The following RGPD6 variants were observed in gnomAD, a reference collection of about 807,000 sequenced individuals.
RGPD6 encodes RANBP2 like and GRIP domain containing 6.
the RGPD6 span, among the ~76,000 whole-genome samples, chr2:110,596,943 TATATATATA>T: frequency 8.4e-4 from 98 of 116,452 alleles, 1 homozygote; most frequent in African/African-American, 2.0e-3. Flanking sequence ...ATATATATTT[TATATATATA>T]ATATATATAA....
At chr2:110,593,425 T>C in the RGPD6 span, among the ~76,000 whole-genome samples, 1 of 145,706 alleles carries the variant, frequency 6.9e-6, no homozygotes, top group African/African-American at 2.7e-5. Context: ...GAGCTTCAAA[T>C]GGACCACAAG....
chr2:110,596,907 C>T, the RGPD6 span, among the ~76,000 whole-genome samples: 1 of 136,552 alleles, frequency 7.3e-6, no homozygotes, highest in Non-Finnish European at 1.5e-5. Flanking sequence ...TGCTGGAGAC[C>T]ATTTACATAC....
chr2:110,606,118 G>C, the RGPD6 span, among the ~76,000 whole-genome samples: 1 of 151,808 alleles, frequency 6.6e-6, no homozygotes, highest in Non-Finnish European at 1.5e-5. Context: ...AAAGAAAGAG[G>C]ATAGGAAATA....
the RGPD6 span, among the ~76,000 whole-genome samples, chr2:110,596,831 T>C: frequency 7.4e-6 from 1 of 134,408 alleles, no homozygotes; most frequent in Non-Finnish European, 1.5e-5. Flanking sequence ...CAATATACTA[T>C]TCATTCTGAG....
At chr2:110,604,470 G>C in the RGPD6 span, among the ~76,000 whole-genome samples, 2 of 139,160 alleles carry the variant, frequency 1.4e-5, no homozygotes, top group African/African-American at 5.5e-5. Flanking sequence ...AGCTGCCCAG[G>C]GCCAAACAGA....
the RGPD6 span, among the ~76,000 whole-genome samples, chr2:110,602,219 CG>C: frequency 6.7e-6 from 1 of 149,782 alleles, no homozygotes; most frequent in African/African-American, 2.5e-5. Context: ...GTTGGCCGAG[CG>C]GGGATGCAAG....
At chr2:110,610,771 G>A in the RGPD6 span, 10 of 1,128,134 alleles carry the variant, frequency 8.9e-6, no homozygotes, top group African/African-American at 1.6e-4. Context: ...TGTCCATGGT[G>A]GGAGGTGTCA....
the RGPD6 span, among the ~76,000 whole-genome samples, chr2:110,596,969 T>TATAATATATATATAA: frequency 3.7e-5 from 1 of 26,708 alleles, no homozygotes; most frequent in African/African-American, 1.0e-4. Flanking sequence ...ATAATATATA[T>TATAATATATATATAA]TATGTATATA....
chr2:110,606,789 C>T, the RGPD6 span, among the ~76,000 whole-genome samples: 4 of 151,388 alleles, frequency 2.6e-5, no homozygotes, highest in African/African-American at 9.8e-5. Flanking sequence ...TCAAAGGCCA[C>T]CTATTTCATG....
At chr2:110,600,461 G>A in the RGPD6 span, among the ~76,000 whole-genome samples, 1 of 11,666 alleles carries the variant, frequency 8.6e-5, no homozygotes, top group Non-Finnish European at 2.2e-4. Flanking sequence ...TTTTGTAGAC[G>A]ACTTTTTTTC....
the RGPD6 span, among the ~76,000 whole-genome samples, chr2:110,592,779 CAA>C: frequency 2.2e-5 from 3 of 137,742 alleles, no homozygotes; most frequent in African/African-American, 3.0e-5. Flanking sequence ...GACTCCATCT[CAA>C]AAAAGAGAGA....
chr2:110,600,743 T>A, the RGPD6 span, among the ~76,000 whole-genome samples: 2 of 72,354 alleles, frequency 2.8e-5, no homozygotes, highest in African/African-American at 9.3e-5. Context: ...GGGTTCATGC[T>A]TCTGTGAGAA....
chr2:110,596,961 AATATATATTATG>A, the RGPD6 span, among the ~76,000 whole-genome samples: 2 of 78,556 alleles, frequency 2.5e-5, no homozygotes, highest in African/African-American at 1.0e-4. Flanking sequence ...TAATATATAT[AATATATATTATG>A]TATATATATA....
chr2:110,591,434 C>T, the RGPD6 span, among the ~76,000 whole-genome samples: 1 of 150,670 alleles, frequency 6.6e-6, no homozygotes, highest in Non-Finnish European at 1.5e-5. Flanking sequence ...CAATTACATA[C>T]TTTCTTAAAA....
the RGPD6 span, among the ~76,000 whole-genome samples, chr2:110,610,577 G>T: frequency 2.0e-5 from 3 of 148,138 alleles, no homozygotes; most frequent in African/African-American, 7.4e-5. Context: ...AAGGGCTGGC[G>T]AGGCAGGCGC....
the RGPD6 span, among the ~76,000 whole-genome samples, chr2:110,605,800 TTCCC>T: frequency 4.6e-5 from 7 of 151,270 alleles, 1 homozygote; most frequent in African/African-American, 1.5e-4. Context: ...CCACACTTTA[TTCCC>T]TCCATGTTTC....
At chr2:110,594,106 TGTATTAAA>T in the RGPD6 span, among the ~76,000 whole-genome samples, 2 of 145,010 alleles carry the variant, frequency 1.4e-5, no homozygotes, top group Admixed American at 1.4e-4. Flanking sequence ...AATCAGTCAA[TGTATTAAA>T]GTATATAAAA....
chr2:110,610,989 C>A, the RGPD6 span: 19 of 966,360 alleles, frequency 2.0e-5, no homozygotes, highest in Non-Finnish European at 2.2e-5. Flanking sequence ...CACCCGCTCC[C>A]CGGCTTGCGC....
chr2:110,594,192 T>C, the RGPD6 span, among the ~76,000 whole-genome samples: 1 of 147,728 alleles, frequency 6.8e-6, no homozygotes, highest in Admixed American at 6.7e-5. Flanking sequence ...TCTCAATACA[T>C]GTAGAAAAGA....
Sources: allele counts gnomAD v4.1 joint callset (sites outside exome capture counted in the v4.1 genomes callset), GRCh38; gene constraint gnomAD v4.1.1; transcripts MANE v1.5; gene names NCBI Gene and HGNC (gene_info 2026-07-23, HGNC 2026-07-21).